Variants in KCNJ15 observed in about 807,000 individuals in gnomAD.
KCNJ15 encodes the protein ATP-sensitive inward rectifier potassium channel 15.
In KCNJ15, 14 loss-of-function variants were observed where a neutral mutation model predicts 23.0. That is an observed-to-expected ratio of 0.61 (90% CI 0.40 to 0.95). The LOEUF is 0.95. KCNJ15 is among the 40% of genes least tolerant of loss of function. The pLI is 0.00. For missense variants in KCNJ15, 388 were observed against 461.8 expected (o/e 0.84, Z 1.46); for synonymous variants, 185 against 183.2 (o/e 1.01, Z -0.08).
At chr21:38,247,077 GAT>G (rs1568984788) in intron 1 of KCNJ15, among the ~76,000 whole-genome samples, 54 of 82,468 alleles carry the variant, frequency 6.5e-4, no homozygotes, top group Non-Finnish European at 9.3e-5. Context: ...TGGATGGATG[GAT>G]GGATGGATGG....
At chr21:38,294,241 G>A (rs1984918075) in intron 1 of KCNJ15, among the ~76,000 whole-genome samples, 2 of 152,148 alleles carry the variant, frequency 1.3e-5, no homozygotes, top group African/African-American at 2.4e-5. Context: ...TATATGACAC[G>A]CAAAAAAGCA....
At position 38,300,368 on chromosome 21, in the gene KCNJ15, A is replaced by G; in HGVS notation, c.1107A>G (p.Leu369=). The change falls in exon 3 of 3, where the codon TTA becomes TTG. Residue 369 remains leucine (L), a synonymous_variant. Coordinates refer to ENST00000398938, the MANE Select transcript of KCNJ15 (RefSeq NM_170736.3). The part of the protein sequence containing the change: ...DQRERELRTL[L]LQQSNV ...GGGAAAGAGAACTGAGGACACTTTT[A>G]TTACAACAGAGCAATGTCTGATCAC... 1 of 1,611,994 alleles carries G rather than the reference A, an allele frequency of 6.2e-7. No homozygotes were observed. The highest frequency in any genetic ancestry group is 8.5e-7 in the Non-Finnish European group (1 of 1,178,696).
chr21:38,293,414 C>T (rs188497680), intron 1 of KCNJ15, among the ~76,000 whole-genome samples: 119 of 152,314 alleles, frequency 7.8e-4, no homozygotes, highest in African/African-American at 2.6e-3. Context: ...ACCCCCGCTA[C>T]GCCCGGGCAG....
At chr21:38,292,881 G>A (rs939115151) in intron 1 of KCNJ15, among the ~76,000 whole-genome samples, 45 of 150,806 alleles carry the variant, frequency 3.0e-4, no homozygotes, top group African/African-American at 1.1e-3. Flanking sequence ...AGGCAGGAGA[G>A]TCGCTTGAAC....
At chr21:38,274,737 T>G (rs550112644) in intron 1 of KCNJ15, among the ~76,000 whole-genome samples, 4 of 152,362 alleles carry the variant, frequency 2.6e-5, no homozygotes, top group Non-Finnish European at 4.4e-5. Flanking sequence ...AAATCTTGCC[T>G]TCTTAATTGT....
intron 1 of KCNJ15, among the ~76,000 whole-genome samples, chr21:38,294,978 C>A (rs1984994717): frequency 6.6e-6 from 1 of 152,142 alleles, no homozygotes; most frequent in Admixed American, 6.5e-5. Flanking sequence ...ATAACAAAAA[C>A]TGCAGAAATA....
At chr21:38,253,436 A>G (rs1979973096), upstream of KCNJ15, among the ~76,000 whole-genome samples, 1 of 152,112 alleles carries the variant, frequency 6.6e-6, no homozygotes, top group Admixed American at 6.5e-5. Context: ...TGCCTCTAGG[A>G]TAAGGATGGT....
rs1202126639 is a variant in KCNJ15, at chr21:38,303,065, A to C, written c.*2676A>C. On this transcript the variant is annotated 3_prime_UTR_variant, in exon 3 of 3. Transcript: ENST00000398938. ...CGTTTTTAAGAGTGTCTTAAAAACC[A>C]ATATATGTATAAGTCAACAAATCAT... is the stretch of plus-strand genomic sequence containing the variant. 6.6e-6 allele frequency: 1 copy of C among 152,168 alleles called. No homozygotes were observed. The highest frequency in any genetic ancestry group is 1.5e-5 in the Non-Finnish European group (1 of 68,024). The allele number at this position is 152,168 out of a possible 1,614,324, so 9.4% of individuals were successfully genotyped here.
chr21:38,251,985 T>C (rs1407505889), upstream of KCNJ15, among the ~76,000 whole-genome samples: 2 of 152,098 alleles, frequency 1.3e-5, no homozygotes, highest in Non-Finnish European at 2.9e-5. Flanking sequence ...GGTGGGAAGA[T>C]GGGGAAGCCT....
intron 1 of KCNJ15, among the ~76,000 whole-genome samples, chr21:38,241,903 A>G (rs1020161785): frequency 6.6e-6 from 1 of 150,922 alleles, no homozygotes; most frequent in Admixed American, 6.6e-5. Flanking sequence ...AGGGAGGTGG[A>G]AGTTGCAGTG....
intron 1 of KCNJ15, among the ~76,000 whole-genome samples, chr21:38,258,752 T>C (rs933930496): frequency 1.3e-5 from 2 of 152,234 alleles, no homozygotes; most frequent in African/African-American, 4.8e-5. Context: ...ATGTTTCCAC[T>C]CCTTCCTCCC....
intron 1 of KCNJ15, among the ~76,000 whole-genome samples, chr21:38,292,772 C>G (rs1984744531): frequency 1.3e-5 from 2 of 151,976 alleles, no homozygotes; most frequent in Admixed American, 1.3e-4. Flanking sequence ...AGTTCCAGAC[C>G]AAGCTGGCCA....
chr21:38,246,897 C>T lies in KCNJ15; in HGVS notation c.-398-10149C>T, dbSNP rs144512969. On this transcript the variant is annotated intron_variant, in intron 1 of 4. Coordinates refer to the KCNJ15 transcript ENST00000547341. The stretch of plus-strand genomic sequence containing the variant: ...ATTGAGAACCACACTTGAACTTAGC[C>T]CTTCTGACAGGAAACTTTCAAAGTT... Among the ~76,000 whole-genome samples the T allele has an allele frequency of 2.2e-3, 329 of 152,292 alleles. 1 individual carries two copies. The highest frequency in any genetic ancestry group is 7.7e-3 in the African/African-American group (318 of 41,554).
At chr21:38,289,786 A>G (rs8134032) in intron 1 of KCNJ15, among the ~76,000 whole-genome samples, 2,501 of 152,160 alleles carry the variant, frequency 0.016, 82 homozygotes, top group African/African-American at 0.058. Context: ...ACACAGTACA[A>G]TTCGCCTCCT....
intron 1 of KCNJ15, among the ~76,000 whole-genome samples, chr21:38,264,936 C>T (rs1981306902): frequency 6.6e-6 from 1 of 152,060 alleles, no homozygotes; most frequent in African/African-American, 2.4e-5. Context: ...AAAGTAAATA[C>T]GGAGCCAGCA....
intron 1 of KCNJ15, among the ~76,000 whole-genome samples, chr21:38,291,379 T>G (rs543222623): frequency 1.3e-5 from 2 of 152,314 alleles, no homozygotes; most frequent in African/African-American, 4.8e-5. Context: ...GAGAGCAATT[T>G]TCTACTACCT....
intron 1 of KCNJ15, among the ~76,000 whole-genome samples, chr21:38,275,881 T>C (rs1462958971): frequency 6.6e-6 from 1 of 152,174 alleles, no homozygotes; most frequent in Admixed American, 6.5e-5. Context: ...ACATGATAAC[T>C]TCTTTGATTT....
chr21:38,265,756 A>G (rs1438209888), intron 1 of KCNJ15, among the ~76,000 whole-genome samples: 2 of 152,198 alleles, frequency 1.3e-5, no homozygotes, highest in East Asian at 3.9e-4. Context: ...CAGTAAAGAA[A>G]AACACCCAAA....
At chr21:38,245,507 CTG>C (rs1601133614) in intron 1 of KCNJ15, among the ~76,000 whole-genome samples, 1 of 151,304 alleles carries the variant, frequency 6.6e-6, no homozygotes, top group East Asian at 2.0e-4. Context: ...CTTCATAAGA[CTG>C]TATCTGAAAC....
Sources: gnomAD v4.1 joint callset for allele counts (sites outside exome capture counted in the v4.1 genomes callset) on GRCh38, gnomAD v4.1.1 for gene constraint, MANE v1.5 for transcripts, NCBI Gene and HGNC (gene_info 2026-07-23, HGNC 2026-07-21) for gene names.